Variants in PLCB1 observed in about 807,000 individuals in gnomAD.
The protein encoded by PLCB1 is 1-phosphatidylinositol 4,5-bisphosphate phosphodiesterase beta-1.
In PLCB1, 46 loss-of-function variants were observed where a neutral mutation model predicts 161.8. The observed-to-expected ratio is 0.28, with a 90% CI of 0.22 to 0.36. The LOEUF (loss-of-function observed/expected upper bound fraction) is 0.36, where lower values mean the gene tolerates loss of function less well. Ranked by LOEUF, PLCB1 falls within the 10% of genes least tolerant of loss-of-function variation. The pLI, the probability that PLCB1 is intolerant of heterozygous loss-of-function variation, is 1.00. For synonymous variants in PLCB1, 517 were observed against 503.7 expected (o/e 1.03, Z -0.35); for missense variants, 1,016 against 1,472.5 (o/e 0.69, Z 5.07).
chr20:8,756,158 A>G (rs1347273070), intron 23 of PLCB1, among the ~76,000 whole-genome samples: 1 of 152,142 alleles, frequency 6.6e-6, no homozygotes, highest in African/African-American at 2.4e-5. Context: ...CTTTCACATT[A>G]TTTAACATCC....
At chr20:8,343,889 C>A (rs1157253086) in intron 2 of PLCB1, among the ~76,000 whole-genome samples, 3 of 152,078 alleles carry the variant, frequency 2.0e-5, no homozygotes, top group African/African-American at 7.2e-5. Flanking sequence ...TAAGACAATA[C>A]CAAGTACAAA....
intron 2 of PLCB1, among the ~76,000 whole-genome samples, chr20:8,323,936 C>T (rs1985028229): frequency 6.6e-6 from 1 of 151,574 alleles, no homozygotes; most frequent in Non-Finnish European, 1.5e-5. Flanking sequence ...TTTTTATGCT[C>T]TATTCAACTA....
intron 31 of PLCB1, among the ~76,000 whole-genome samples, chr20:8,843,961 C>T (rs756700718): frequency 1.3e-5 from 2 of 152,198 alleles, no homozygotes; most frequent in Non-Finnish European, 2.9e-5. Flanking sequence ...TATTCATTCC[C>T]ATCTACCAGT....
At chr20:8,857,766 G>A (rs1987117928) in intron 31 of PLCB1, among the ~76,000 whole-genome samples, 1 of 152,196 alleles carries the variant, frequency 6.6e-6, no homozygotes, top group South Asian at 2.1e-4. Context: ...AGATGAGTAT[G>A]AAATGATATC....
At chr20:8,367,237 G>A (rs773784443) in intron 2 of PLCB1, among the ~76,000 whole-genome samples, 2 of 152,186 alleles carry the variant, frequency 1.3e-5, no homozygotes, top group South Asian at 2.1e-4. Flanking sequence ...CAAAAGTAAT[G>A]TATTGCTTTA....
Position 8,737,263 on chromosome 20 carries a change from A to G in PLCB1, c.2208+71A>G, listed in dbSNP as rs1217286478. ...TGTTTTACACTGAGAAAATAATGAA[A>G]TGGTGAATTATTTGTTATTTAATTT... On this transcript the variant is annotated intron_variant, in intron 20 of 31. Transcript: ENST00000338037. The G allele has an allele frequency of 1.2e-5, 14 of 1,188,080 alleles. No individual in the cohort carries two copies. The South Asian group carries it at 1.8e-4, about 15-fold the overall frequency. The allele number at this position is 1,188,080 out of a possible 1,614,324, so 73.6% of individuals were successfully genotyped here.
At chr20:8,471,741 A>C (rs920916943) in intron 3 of PLCB1, among the ~76,000 whole-genome samples, 2 of 152,150 alleles carry the variant, frequency 1.3e-5, no homozygotes, top group African/African-American at 4.8e-5. Flanking sequence ...AATTTAATAC[A>C]TGCTGCTCCT....
At chr20:8,544,453 T>C (rs752991009) in intron 3 of PLCB1, among the ~76,000 whole-genome samples, 5 of 152,244 alleles carry the variant, frequency 3.3e-5, no homozygotes, top group Non-Finnish European at 2.9e-5. Context: ...CTTTGTGACC[T>C]TGGACAAGTC....
intron 3 of PLCB1, among the ~76,000 whole-genome samples, chr20:8,604,922 A>T (rs984450056): frequency 6.6e-6 from 1 of 152,154 alleles, no homozygotes; most frequent in African/African-American, 2.4e-5. Flanking sequence ...TATATTTGTT[A>T]TAAATATCAC....
chr20:8,567,195 T>G (rs996094082), intron 3 of PLCB1, among the ~76,000 whole-genome samples: 1 of 152,164 alleles, frequency 6.6e-6, no homozygotes, highest in Non-Finnish European at 1.5e-5. Context: ...AGCAGCCTCT[T>G]GATTTGTGTG....
intron 4 of PLCB1, among the ~76,000 whole-genome samples, chr20:8,631,757 A>T (rs747526927): frequency 6.6e-6 from 1 of 152,220 alleles, no homozygotes; most frequent in Non-Finnish European, 1.5e-5. Flanking sequence ...ATTGGATCCT[A>T]TTCTTAACCA....
chr20:8,781,789 G>A (rs1015305856), intron 27 of PLCB1, among the ~76,000 whole-genome samples: 5 of 152,174 alleles, frequency 3.3e-5, no homozygotes, highest in South Asian at 2.1e-4. Flanking sequence ...AAGAGAACTT[G>A]TGCAGGGAAA....
intron 31 of PLCB1, among the ~76,000 whole-genome samples, chr20:8,854,745 A>C (rs928037564): frequency 3.3e-5 from 5 of 152,248 alleles, no homozygotes; most frequent in Non-Finnish European, 5.9e-5. Flanking sequence ...GTCTGTTTTC[A>C]CGTCTCCACG....
intron 2 of PLCB1, among the ~76,000 whole-genome samples, chr20:8,277,878 A>C (rs1982658413): frequency 6.6e-6 from 1 of 152,166 alleles, no homozygotes; most frequent in Non-Finnish European, 1.5e-5. Context: ...TTGTCCAGAA[A>C]GAGCACTAGC....
chr20:8,276,926 TTTCTTCTTCTTCTTCTTCTTCTTCTTC>T (rs752434070), intron 2 of PLCB1, among the ~76,000 whole-genome samples: 25 of 104,828 alleles, frequency 2.4e-4, no homozygotes, highest in African/African-American at 4.0e-4. Context: ...GTCTTCTTCT[TTTCTTCTTCTTCTTCTTCTTCTTCTTC>T]TTCTTCTTCT....
intron 3 of PLCB1, among the ~76,000 whole-genome samples, chr20:8,445,229 T>G (rs1477899516): frequency 6.6e-6 from 1 of 152,234 alleles, no homozygotes; most frequent in African/African-American, 2.4e-5. Context: ...TTGTATAAGT[T>G]GTAAGGAAGG....
At chr20:8,445,744 C>T (rs971678335) in intron 3 of PLCB1, among the ~76,000 whole-genome samples, 3 of 151,828 alleles carry the variant, frequency 2.0e-5, no homozygotes, top group Non-Finnish European at 2.9e-5. Context: ...TTCTAGTTCT[C>T]CTTGAAGAGG....
At chr20:8,160,643 A>G (rs1568573878) in intron 2 of PLCB1, among the ~76,000 whole-genome samples, 1 of 152,168 alleles carries the variant, frequency 6.6e-6, no homozygotes, top group Non-Finnish European at 1.5e-5. Flanking sequence ...ACCTGCCCCC[A>G]TGATTCCATT....
At chr20:8,229,856 C>CATAAAATAAAATAAA (rs1172390547) in intron 2 of PLCB1, among the ~76,000 whole-genome samples, 199 of 35,072 alleles carry the variant, frequency 5.7e-3, no homozygotes, top group East Asian at 0.056. Context: ...GAGCCCATCT[C>CATAAAATAAAATAAA]ATAAAATAAA....
Sources: gnomAD v4.1 joint callset for allele counts (sites outside exome capture counted in the v4.1 genomes callset) on GRCh38, gnomAD v4.1.1 for gene constraint, MANE v1.5 for transcripts, NCBI Gene and HGNC (gene_info 2026-07-23, HGNC 2026-07-21) for gene names.